KATNAL2: variants seen among roughly 807,000 people sequenced by gnomAD.
KATNAL2 encodes katanin catalytic subunit A1 like 2, also known as katanin p60 ATPase-containing subunit A-like 2.
KATNAL2 carries 52 observed loss-of-function variants against 76.3 expected under a neutral mutation model. The ratio of observed to expected loss-of-function variants is 0.68; its 90% confidence interval spans 0.55 to 0.86. The LOEUF is 0.86. Ranked by LOEUF, KATNAL2 falls within the 40% of genes least tolerant of loss-of-function variation. The probability of loss-of-function intolerance (pLI) is 0.00; values close to 1 mark genes in which losing one functional copy is unlikely to be tolerated. For missense variants in KATNAL2, 660 were observed against 668.9 expected (o/e 0.99, Z 0.15); for synonymous variants, 243 against 244.2 (o/e 1.00, Z 0.05).
intron 15 of KATNAL2, among the ~76,000 whole-genome samples, chr18:47,091,489 G>A (rs1247361876): frequency 6.6e-6 from 1 of 152,184 alleles, no homozygotes; most frequent in African/African-American, 2.4e-5. Context: ...GTTGCCACAG[G>A]TTAAATTTTT....
chr18:47,074,676 T>C (rs925640887), intron 13 of KATNAL2, among the ~76,000 whole-genome samples: 3 of 152,226 alleles, frequency 2.0e-5, no homozygotes, highest in African/African-American at 7.2e-5. Context: ...TATTTTATTC[T>C]CAAATAGAAC....
At chr18:46,932,054 G>C (rs1006168242) in intron 1 of KATNAL2, among the ~76,000 whole-genome samples, 1 of 151,870 alleles carries the variant, frequency 6.6e-6, no homozygotes, top group South Asian at 2.1e-4. Context: ...GGGATTACAG[G>C]TGCGTGCTAC....
chr18:47,079,640 G>A (rs1028653328), intron 15 of KATNAL2, among the ~76,000 whole-genome samples: 7 of 151,500 alleles, frequency 4.6e-5, no homozygotes, highest in African/African-American at 1.2e-4. Flanking sequence ...CAAGTGATCC[G>A]CCTGCCTCAG....
intron 4 of KATNAL2, among the ~76,000 whole-genome samples, chr18:47,046,944 T>G (rs1374723690): frequency 6.6e-6 from 1 of 151,146 alleles, no homozygotes; most frequent in African/African-American, 2.4e-5. Flanking sequence ...AGACATACAC[T>G]TTTTTTTTCT....
At position 47,075,311 on chromosome 18, in the gene KATNAL2, C is replaced by A; in HGVS notation, c.1043C>A (p.Ser348Tyr). The change falls in exon 14 of 18, where the codon TCC becomes TAC. Residue 348 changes from serine to tyrosine, a missense_variant. Coordinates refer to ENST00000683218, the MANE Select transcript of KATNAL2 (RefSeq NM_001387690.1). ...LFELARYHAP[S>Y]TIFLDELESV... ...GAGCTTGCCCGCTACCACGCCCCAT[C>A]CACGATCTTCCTGGACGAGCTGGAG... The A allele has an allele frequency of 6.4e-7, 1 of 1,562,980 alleles. No individual in the cohort carries two copies. Among genetic ancestry groups the A allele is most frequent in the Non-Finnish European group, 8.6e-7 (1 of 1,159,620 alleles).
At chr18:47,096,788 T>C (rs548341776) in intron 15 of KATNAL2, among the ~76,000 whole-genome samples, 12 of 152,314 alleles carry the variant, frequency 7.9e-5, no homozygotes, top group African/African-American at 2.9e-4. Context: ...GGGAAAGCTC[T>C]GCTTTACATA....
At chr18:46,922,054 T>A (rs549169393) in intron 1 of KATNAL2, among the ~76,000 whole-genome samples, 1 of 151,996 alleles carries the variant, frequency 6.6e-6, no homozygotes, top group South Asian at 2.1e-4. Flanking sequence ...TTACCAAAAC[T>A]AGTATCAAGG....
intron 1 of KATNAL2, among the ~76,000 whole-genome samples, chr18:46,938,151 C>T (rs2059146192): frequency 2.6e-5 from 4 of 151,956 alleles, no homozygotes; most frequent in African/African-American, 9.7e-5. Flanking sequence ...ACTAGAGCTA[C>T]ATATAAAAAC....
intron 14 of KATNAL2, 102 bp from the exon 15 acceptor site, chr18:47,077,249 A>G: frequency 1.2e-6 from 1 of 861,158 alleles, no homozygotes; most frequent in Non-Finnish European, 1.9e-6. Context: ...CCATCAGAAC[A>G]GAAACTGTTC....
chr18:47,084,839 A>C (rs1483202885), intron 15 of KATNAL2, among the ~76,000 whole-genome samples: 2 of 108,812 alleles, frequency 1.8e-5, no homozygotes, highest in Non-Finnish European at 3.7e-5. Flanking sequence ...ACAGAGCAAG[A>C]CTCTGTCTAA....
At chr18:47,073,217 T>C (rs2147222390) in intron 13 of KATNAL2, among the ~76,000 whole-genome samples, 1 of 152,164 alleles carries the variant, frequency 6.6e-6, no homozygotes, top group Non-Finnish European at 1.5e-5. Context: ...CAAAAAGTAA[T>C]AGTGTATTTC....
rs562880677 is a variant in KATNAL2, at chr18:47,074,135, G to A, written c.1009-1142G>A. ...TGCCCTGAATTAGGTGGTCTCCATT[G>A]TATCTGAAAGGCATTGTGATGAATG... On this transcript the variant is annotated intron_variant, in intron 13 of 17. Coordinates refer to ENST00000683218, the MANE Select transcript of KATNAL2 (RefSeq NM_001387690.1). Among the ~76,000 whole-genome samples the A allele has an allele frequency of 2.0e-5, 3 of 152,350 alleles. No individual in the cohort carries two copies. In the South Asian group the frequency reaches 6.2e-4, roughly 32 times the overall value.
At chr18:47,035,491 G>T in intron 3 of KATNAL2, 1 of 903,464 alleles carries the variant, frequency 1.1e-6, no homozygotes, top group South Asian at 1.8e-5. Context: ...TTGTTCCTCG[G>T]GATGTGGAGC....
intron 15 of KATNAL2, among the ~76,000 whole-genome samples, chr18:47,090,598 T>G (rs1357622287): frequency 3.3e-5 from 5 of 152,010 alleles, no homozygotes; most frequent in African/African-American, 9.7e-5. Flanking sequence ...CAGACAATAA[T>G]AAGAATAAAA....
intron 1 of KATNAL2, among the ~76,000 whole-genome samples, chr18:46,931,139 T>TAAAAATAAA (rs1555824546): frequency 1.6e-5 from 2 of 122,780 alleles, no homozygotes; most frequent in Non-Finnish European, 3.5e-5. Context: ...ATAATAATAA[T>TAAAAATAAA]AAATAAATAA....
At chr18:46,933,656 A>G (rs529566601) in intron 1 of KATNAL2, among the ~76,000 whole-genome samples, 1 of 152,050 alleles carries the variant, frequency 6.6e-6, no homozygotes, top group African/African-American at 2.4e-5. Context: ...TATTATTATT[A>G]TACTTTAAGT....
In KATNAL2 at chr18:46,956,504, C is replaced by T. The variant is rs1011792462; in HGVS notation, c.51+9581C>T. ...CTAAATTTGTCTTTTCTGACCAGCC[C>T]CTTTACCAATTTAATAAAGTGTCCC... On this transcript the variant is annotated intron_variant, in intron 3 of 17. Transcript: ENST00000683218. Among the ~76,000 whole-genome samples the T allele has an allele frequency of 2.0e-5, 3 of 152,146 alleles. No homozygotes were observed. The East Asian group carries it at 5.8e-4, about 29-fold the overall frequency.
intron 8 of KATNAL2, 95 bp from the exon 9 acceptor site, chr18:47,062,877 G>T: frequency 2.3e-6 from 2 of 871,462 alleles, no homozygotes. Flanking sequence ...TATATACCAG[G>T]GTCTATAAAT....
At chr18:47,062,940 T>C (rs1301262706) in intron 8 of KATNAL2, 32 bp from the exon 9 acceptor site, 2 of 1,534,962 alleles carry the variant, frequency 1.3e-6, no homozygotes, top group East Asian at 4.5e-5. Flanking sequence ...TCTTATGTTC[T>C]CATGGCATAA....
Sources: allele counts gnomAD v4.1 joint callset (sites outside exome capture counted in the v4.1 genomes callset), GRCh38; gene constraint gnomAD v4.1.1; transcripts MANE v1.5; gene names NCBI Gene and HGNC (gene_info 2026-07-23, HGNC 2026-07-21).